The following TANC1 variants were observed in gnomAD, a reference collection of about 807,000 sequenced individuals.
The protein encoded by TANC1 is protein TANC1.
Under a neutral mutation model 149.7 loss-of-function variants are expected in TANC1, and 77 were observed. The ratio of observed to expected loss-of-function variants is 0.51; its 90% CI spans 0.43 to 0.62. TANC1 has a LOEUF of 0.62. Among genes scored for constraint, TANC1 ranks in the 20% least tolerant of loss-of-function variants. TANC1 has a pLI of 0.00. For missense variants in TANC1, 1,985 were observed against 2,321.8 expected (o/e 0.85, Z 2.98); for synonymous variants, 854 against 925.0 (o/e 0.92, Z 1.39).
intron 2 of TANC1, among the ~76,000 whole-genome samples, chr2:159,018,031 G>A (rs2038451103): frequency 6.6e-6 from 1 of 152,170 alleles, no homozygotes; most frequent in Admixed American, 6.5e-5. Flanking sequence ...GAACAGGCGT[G>A]AATCAAACCT....
chr2:159,058,414 G>A (rs77838873), intron 2 of TANC1, among the ~76,000 whole-genome samples: 29 of 151,980 alleles, frequency 1.9e-4, no homozygotes, highest in Non-Finnish European at 2.1e-4. Flanking sequence ...GAGAATTGCC[G>A]TTGATTTTGA....
intron 17 of TANC1, among the ~76,000 whole-genome samples, chr2:159,196,092 C>T (rs2057827351): frequency 6.6e-6 from 1 of 152,218 alleles, no homozygotes; most frequent in African/African-American, 2.4e-5. Context: ...TACATGAGAC[C>T]TCCTTCCCAA....
chr2:159,078,736 A>G (rs2043946898), intron 3 of TANC1, among the ~76,000 whole-genome samples: 1 of 152,184 alleles, frequency 6.6e-6, no homozygotes, highest in Non-Finnish European at 1.5e-5. Flanking sequence ...GATTTCTGGA[A>G]GCAGCATCTT....
chr2:158,995,633 G>A (rs537054432), intron 1 of TANC1, among the ~76,000 whole-genome samples: 1 of 152,250 alleles, frequency 6.6e-6, no homozygotes, highest in Admixed American at 6.5e-5. Context: ...CAGACAGAGG[G>A]GCAGTCTTAT....
chr2:159,158,550 G>A (rs1165164624), intron 7 of TANC1, among the ~76,000 whole-genome samples: 18 of 152,104 alleles, frequency 1.2e-4, no homozygotes, highest in Non-Finnish European at 2.4e-4. Flanking sequence ...GATTTCTTAA[G>A]GATCATTACT....
At chr2:159,053,477 G>A (rs1574358802) in intron 2 of TANC1, among the ~76,000 whole-genome samples, 2 of 152,192 alleles carry the variant, frequency 1.3e-5, no homozygotes, top group African/African-American at 2.4e-5. Context: ...TGTGTGGCTT[G>A]TATGAATTTG....
chr2:159,091,978 G>T (rs2045602626), intron 3 of TANC1, among the ~76,000 whole-genome samples: 1 of 149,794 alleles, frequency 6.7e-6, no homozygotes, highest in Admixed American at 6.6e-5. Flanking sequence ...GGGTGTGTGT[G>T]TGTATGTATG....
At chr2:159,150,659 G>T in intron 7 of TANC1, 103 bp downstream of exon 7, 1 of 846,610 alleles carries the variant, frequency 1.2e-6, no homozygotes, top group Non-Finnish European at 1.9e-6. Flanking sequence ...GTGAAGGTCA[G>T]TCTGCCAGCG....
At chr2:159,037,423 C>G (rs1292148069) in intron 2 of TANC1, among the ~76,000 whole-genome samples, 2 of 152,174 alleles carry the variant, frequency 1.3e-5, no homozygotes, top group African/African-American at 4.8e-5. Context: ...GTCATGAAGT[C>G]TTTGCCCGTG....
chr2:159,026,342 T>C (rs77910980), intron 2 of TANC1, among the ~76,000 whole-genome samples: 8,491 of 152,310 alleles, frequency 0.056, 382 homozygotes, highest in Admixed American at 0.14. Flanking sequence ...CTTACTCAGA[T>C]GCTTGTAGCA....
intron 26 of TANC1, among the ~76,000 whole-genome samples, chr2:159,229,101 G>A (rs950918316): frequency 2.4e-4 from 37 of 152,092 alleles, no homozygotes; most frequent in African/African-American, 7.5e-4. Flanking sequence ...TTCTCCTGAC[G>A]TCTCAATAAT....
intron 25 of TANC1, chr2:159,228,573 G>T (rs2060159257): frequency 2.0e-6 from 1 of 498,354 alleles, no homozygotes; most frequent in African/African-American, 1.9e-5. Flanking sequence ...CCTTCTTGGG[G>T]CACTGTTACT....
intron 1 of TANC1, among the ~76,000 whole-genome samples, chr2:158,993,811 G>A (rs909594692): frequency 1.3e-5 from 2 of 152,048 alleles, no homozygotes; most frequent in African/African-American, 4.8e-5. Context: ...GTCATCTCCT[G>A]GTTTGTCTGA....
chr2:159,004,977 A>C (rs2037007488), intron 2 of TANC1, among the ~76,000 whole-genome samples: 1 of 152,170 alleles, frequency 6.6e-6, no homozygotes. Flanking sequence ...TGCATTTCTT[A>C]CGAGAAATAA....
intron 1 of TANC1, among the ~76,000 whole-genome samples, chr2:158,970,682 C>T (rs926069390): frequency 2.0e-5 from 3 of 152,250 alleles, no homozygotes; most frequent in African/African-American, 7.2e-5. Flanking sequence ...AGGACTTCCT[C>T]CTAGGGTTGT....
intron 2 of TANC1, among the ~76,000 whole-genome samples, chr2:159,024,925 A>G (rs1052945522): frequency 6.6e-6 from 1 of 152,234 alleles, no homozygotes; most frequent in Non-Finnish European, 1.5e-5. Flanking sequence ...AGGCTCTAGC[A>G]TATAGCCCAG....
intron 19 of TANC1, among the ~76,000 whole-genome samples, chr2:159,210,243 C>G (rs1339288244): frequency 6.6e-6 from 1 of 152,170 alleles, no homozygotes; most frequent in Non-Finnish European, 1.5e-5. Flanking sequence ...CCCTTCTCTC[C>G]AAGCCCCCAA....
intron 7 of TANC1, among the ~76,000 whole-genome samples, chr2:159,158,131 G>T (rs1362467136): frequency 1.3e-5 from 2 of 152,110 alleles, no homozygotes; most frequent in East Asian, 3.9e-4. Context: ...TGAGGTGGGA[G>T]GATCGCTTGA....
At chr2:159,111,333 C>T (rs1441889512) in intron 4 of TANC1, among the ~76,000 whole-genome samples, 2 of 152,182 alleles carry the variant, frequency 1.3e-5, no homozygotes, top group African/African-American at 2.4e-5. Context: ...GAGCACATAG[C>T]TACATACTGT....
Sources: gnomAD v4.1 joint callset for allele counts (sites outside exome capture counted in the v4.1 genomes callset) on GRCh38, gnomAD v4.1.1 for gene constraint, MANE v1.5 for transcripts, NCBI Gene and HGNC (gene_info 2026-07-23, HGNC 2026-07-21) for gene names.